Variants in CNOT2 observed in about 807,000 individuals in gnomAD.
CNOT2 encodes CCR4-NOT transcription complex subunit 2, also known as CC chemokine receptor 4-negative regulator of transcription 2.
Under a neutral mutation model 72.1 loss-of-function variants are expected in CNOT2, and 7 were observed. The observed-to-expected ratio is 0.10, with a 90% CI of 0.06 to 0.18. The LOEUF (loss-of-function observed/expected upper bound fraction) is 0.18, where lower values mean the gene tolerates loss of function less well. Among genes scored for constraint, CNOT2 ranks in the 10% least tolerant of loss-of-function variants. The pLI, the probability that CNOT2 is intolerant of heterozygous loss-of-function variation, is 1.00. For missense variants in CNOT2, 345 were observed against 660.3 expected (o/e 0.52, Z 5.23); for synonymous variants, 196 against 225.6 (o/e 0.87, Z 1.17).
At chr12:70,333,492 T>C (rs1448898166) in intron 7 of CNOT2, among the ~76,000 whole-genome samples, 2 of 151,918 alleles carry the variant, frequency 1.3e-5, no homozygotes, top group African/African-American at 4.8e-5. Flanking sequence ...TTTTACCTTC[T>C]CCACCCTACA....
chr12:70,290,124 A>G (rs1407515578), intron 2 of CNOT2, among the ~76,000 whole-genome samples: 1 of 151,812 alleles, frequency 6.6e-6, no homozygotes, highest in Non-Finnish European at 1.5e-5. Context: ...TCTTTTCTGA[A>G]TTATGTAAAT....
At chr12:70,269,290 C>CTT (rs373858702) in intron 1 of CNOT2, among the ~76,000 whole-genome samples, 3 of 139,498 alleles carry the variant, frequency 2.2e-5, no homozygotes, top group Non-Finnish European at 1.6e-5. Flanking sequence ...TTTTTTTAAG[C>CTT]TTTTTTTTTT....
At chr12:70,282,803 A>G (rs1870098106) in intron 2 of CNOT2, among the ~76,000 whole-genome samples, 1 of 151,936 alleles carries the variant, frequency 6.6e-6, no homozygotes. Flanking sequence ...CATCTTTTTT[A>G]TGTATTGTGT....
chr12:70,274,051 A>G (rs1370761712), intron 1 of CNOT2, among the ~76,000 whole-genome samples: 2 of 152,112 alleles, frequency 1.3e-5, no homozygotes, highest in East Asian at 3.8e-4. Context: ...TTACTAAAAT[A>G]CTCAGAGAAA....
chr12:70,326,115 T>C (rs763592684), intron 4 of CNOT2, among the ~76,000 whole-genome samples: 7 of 151,878 alleles, frequency 4.6e-5, no homozygotes, highest in Non-Finnish European at 1.0e-4. Flanking sequence ...GAGGTAGGAA[T>C]CTATTTAGAA....
At chr12:70,302,791 G>T (rs1238016849) in intron 2 of CNOT2, among the ~76,000 whole-genome samples, 9 of 151,664 alleles carry the variant, frequency 5.9e-5, no homozygotes, top group South Asian at 2.1e-4. Context: ...CTGTCTCGTT[G>T]ATCTGTCTAA....
intron 1 of CNOT2, among the ~76,000 whole-genome samples, chr12:70,244,517 G>C (rs1412324261): frequency 6.6e-6 from 1 of 152,056 alleles, no homozygotes; most frequent in African/African-American, 2.4e-5. Context: ...ATTTATTCCA[G>C]GCCTGTAGGT....
intron 15 of CNOT2, among the ~76,000 whole-genome samples, chr12:70,352,865 A>T (rs1384167964): frequency 6.6e-6 from 1 of 152,182 alleles, no homozygotes; most frequent in African/African-American, 2.4e-5. Context: ...CATGAAGTTA[A>T]TACAGTATTT....
At chr12:70,300,811 A>G (rs1873801056) in intron 2 of CNOT2, among the ~76,000 whole-genome samples, 1 of 152,202 alleles carries the variant, frequency 6.6e-6, no homozygotes, top group Non-Finnish European at 1.5e-5. Flanking sequence ...TACCTTGGGC[A>G]GTATGGCCAT....
rs953979997 is a variant in CNOT2, at chr12:70,303,968, G to A, written c.49-6927G>A. Among the ~76,000 whole-genome samples, 12 of 151,960 alleles carry A rather than the reference G, an allele frequency of 7.9e-5. No individual in the cohort carries two copies. In the East Asian group the frequency reaches 1.9e-3, roughly 24 times the overall value. On this transcript the variant is annotated intron_variant, in intron 2 of 15. Coordinates refer to ENST00000229195, the MANE Select transcript of CNOT2 (RefSeq NM_014515.7). ...CATTTCATTCATTTCGTCTTCCATC[G>A]CTGATACCCTTTCTTCCAGCTGATC...
intron 1 of CNOT2, among the ~76,000 whole-genome samples, chr12:70,273,013 A>G (rs1341863033): frequency 6.6e-6 from 1 of 152,160 alleles, no homozygotes; most frequent in Non-Finnish European, 1.5e-5. Context: ...ACATCTGCTC[A>G]GAGTCATTAC....
chr12:70,295,516 A>G (rs1872670097), intron 2 of CNOT2, among the ~76,000 whole-genome samples: 1 of 152,102 alleles, frequency 6.6e-6, no homozygotes, highest in South Asian at 2.1e-4. Context: ...GATTTAAAAT[A>G]TTCTCATTAG....
At chr12:70,309,342 G>T (rs1876049307) in intron 2 of CNOT2, among the ~76,000 whole-genome samples, 1 of 152,150 alleles carries the variant, frequency 6.6e-6, no homozygotes, top group African/African-American at 2.4e-5. Flanking sequence ...TAGGTTAGCT[G>T]TCCTTAGACT....
intron 11 of CNOT2, among the ~76,000 whole-genome samples, chr12:70,340,268 A>T (rs1383883782): frequency 6.6e-6 from 1 of 152,290 alleles, no homozygotes; most frequent in East Asian, 1.9e-4. Flanking sequence ...ACATTCTTGT[A>T]CTTGAATTTG....
At chr12:70,326,445 C>T (rs1221081249) in intron 4 of CNOT2, among the ~76,000 whole-genome samples, 2 of 147,028 alleles carry the variant, frequency 1.4e-5, no homozygotes, top group Non-Finnish European at 3.0e-5. Context: ...TTGAGTTCTT[C>T]CCATTTTTCT....
At chr12:70,265,331 T>TCTCTTCTCTTCTCTTTCTC (rs373835180) in intron 1 of CNOT2, among the ~76,000 whole-genome samples, 1 of 148,328 alleles carries the variant, frequency 6.7e-6, no homozygotes, top group Non-Finnish European at 1.5e-5. Flanking sequence ...TTCTCTTTCT[T>TCTCTTCTCTTCTCTTTCTC]TCTTTTTTCT....
Position 70,330,295 on chromosome 12 carries a change from T to G in CNOT2, c.395T>G (p.Leu132Trp). The G allele has an allele frequency of 1.3e-6, 2 of 1,578,360 alleles. No individual in the cohort carries two copies. The highest frequency in any genetic ancestry group is 1.7e-6 in the Non-Finnish European group (2 of 1,152,210). The stretch of plus-strand genomic sequence containing the variant: ...ATGGACTTCTTTTTCAGGGGTATTT[T>G]GCCTATGAATCCTAGGAATATGATG... Reference protein sequence around the residue: ...HTPPSPSRGILPMNPRNMMNH... With the variant: ...HTPPSPSRGIWPMNPRNMMNH... Residue 132 changes from leucine to tryptophan, a missense_variant, in exon 6 of 16, where the codon TTG becomes TGG. Around this residue, in one of 4 missense-constraint regions of CNOT2, gnomAD observed 157 missense variants for 235.3 expected, o/e 0.67. Coordinates refer to ENST00000229195, the MANE Select transcript of CNOT2 (RefSeq NM_014515.7).
At chr12:70,332,538 T>C (rs1339906368) in intron 6 of CNOT2, 6 of 567,920 alleles carry the variant, frequency 1.1e-5, no homozygotes, top group Non-Finnish European at 1.2e-5. Flanking sequence ...TTTGAGTTTT[T>C]GTTTTTTAAC....
chr12:70,325,572 C>T (rs879643381), intron 4 of CNOT2, among the ~76,000 whole-genome samples: 1 of 151,842 alleles, frequency 6.6e-6, no homozygotes, highest in Non-Finnish European at 1.5e-5. Context: ...TTATCTGTAA[C>T]CTACTTGGAT....
Sources: allele counts gnomAD v4.1 joint callset (sites outside exome capture counted in the v4.1 genomes callset), GRCh38; gene constraint gnomAD v4.1.1; regional missense constraint gnomAD v4.1.1; transcripts MANE v1.5; gene names NCBI Gene and HGNC (gene_info 2026-07-23, HGNC 2026-07-21).